Variants in DLGAP2 observed in about 807,000 individuals in gnomAD.
DLGAP2 encodes the protein disks large-associated protein 2.
Under a neutral mutation model 100.3 loss-of-function variants are expected in DLGAP2, and 26 were observed. The observed-to-expected ratio is 0.26, with a 90% CI of 0.19 to 0.36. DLGAP2 has a LOEUF of 0.36. Among genes scored for constraint, DLGAP2 ranks in the 10% least tolerant of loss-of-function variants. DLGAP2 has a pLI of 1.00. For missense variants in DLGAP2, 1,858 were observed against 1,453.2 expected, an observed-to-expected ratio of 1.28 and a Z score of -4.53; for synonymous variants, 886 against 630.1, an observed-to-expected ratio of 1.41 and a Z score of -6.08.
intron 2 of DLGAP2, among the ~76,000 whole-genome samples, chr8:1,211,346 C>T (rs543480504): frequency 1.3e-5 from 2 of 152,192 alleles, no homozygotes; most frequent in Non-Finnish European, 2.9e-5. Context: ...ATGAACACCA[C>T]CAGCCAACGA....
intron 6 of DLGAP2, among the ~76,000 whole-genome samples, chr8:1,577,665 G>T (rs1192982498): frequency 6.6e-6 from 1 of 151,968 alleles, no homozygotes; most frequent in Non-Finnish European, 1.5e-5. Context: ...AGGCATCCCT[G>T]CTGGAGGCTG....
At chr8:1,619,870 T>C (rs2130753522) in intron 6 of DLGAP2, 1 of 152,344 alleles carries the variant, frequency 6.6e-6, no homozygotes, top group East Asian at 1.9e-4. Flanking sequence ...CAAACTGCCT[T>C]CTGCGCACCA....
rs181472334 is a variant in DLGAP2, at chr8:1,085,640, T to C, written c.74-173211T>C. ...CCATTCGTTGATGTGCATATTTTTATGCCTGTGTGATGCTTTTGTAATTAC... is the reference window on the plus strand; with the variant it reads ...CCATTCGTTGATGTGCATATTTTTACGCCTGTGTGATGCTTTTGTAATTAC... On this transcript the variant is annotated intron_variant, in intron 2 of 14. Coordinates refer to ENST00000637795, the MANE Select transcript of DLGAP2 (RefSeq NM_001346810.2). Among the ~76,000 whole-genome samples the C allele has an allele frequency of 2.2e-3, 334 of 152,374 alleles. 1 individual carries two copies. The highest frequency in any genetic ancestry group is 6.8e-3 in the Middle Eastern group (2 of 294).
chr8:1,031,942 T>C (rs1801985998), intron 2 of DLGAP2, among the ~76,000 whole-genome samples: 2 of 152,252 alleles, frequency 1.3e-5, no homozygotes, highest in African/African-American at 2.4e-5. Flanking sequence ...CAAGCGAGTC[T>C]GTCTGGGGAT....
intron 2 of DLGAP2, among the ~76,000 whole-genome samples, chr8:1,251,943 C>T (rs1396470509): frequency 6.6e-6 from 1 of 152,252 alleles, no homozygotes; most frequent in Non-Finnish European, 1.5e-5. Flanking sequence ...TCATGTTGTC[C>T]TGGGTCATGG....
In DLGAP2 at chr8:960,735, C is replaced by T. The variant is rs147752710; in HGVS notation, c.73+52769C>T. ...CTCGACTTATGATGGAGTTATAGCC[C>T]GATAAACCTATTGTAAGTTGAAAGT... On this transcript the variant is annotated intron_variant, in intron 2 of 14. Transcript: ENST00000637795. 1.3e-3 allele frequency among the ~76,000 whole-genome samples: 204 copies of T among 152,202 alleles called. 1 individual carries two copies. Among genetic ancestry groups the T allele is most frequent in the African/African-American group, 4.6e-3 (192 of 41,538 alleles).
At chr8:1,029,131 C>T (rs1041514295) in intron 2 of DLGAP2, among the ~76,000 whole-genome samples, 5 of 152,256 alleles carry the variant, frequency 3.3e-5, no homozygotes, top group Middle Eastern at 3.4e-3. Context: ...ATAGCGTGGC[C>T]GGCCAGGTCC....
At chr8:1,679,873 G>T (rs773841173) in intron 12 of DLGAP2, among the ~76,000 whole-genome samples, 3 of 151,386 alleles carry the variant, frequency 2.0e-5, no homozygotes, top group African/African-American at 4.9e-5. Context: ...CTAGCTATTT[G>T]GGAGGCTGAG....
At chr8:1,647,333 C>G (rs1798062546) in intron 8 of DLGAP2, among the ~76,000 whole-genome samples, 1 of 151,490 alleles carries the variant, frequency 6.6e-6, no homozygotes, top group Non-Finnish European at 1.5e-5. Flanking sequence ...AAACAAAACA[C>G]AAAAAATTAG....
intron 1 of DLGAP2, among the ~76,000 whole-genome samples, chr8:749,827 C>T (rs1382489038): frequency 6.6e-6 from 1 of 152,184 alleles, no homozygotes; most frequent in Non-Finnish European, 1.5e-5. Context: ...CCAAGGTATC[C>T]TGGGGCCTGC....
intron 1 of DLGAP2, among the ~76,000 whole-genome samples, chr8:897,668 C>T (rs751692968): frequency 2.0e-5 from 3 of 152,142 alleles, no homozygotes; most frequent in African/African-American, 4.8e-5. Flanking sequence ...TTCCCTGCCC[C>T]GGCAGCCGCT....
chr8:1,046,354 A>C (rs1802515290), intron 2 of DLGAP2, among the ~76,000 whole-genome samples: 1 of 152,014 alleles, frequency 6.6e-6, no homozygotes, highest in Non-Finnish European at 1.5e-5. Context: ...TCTAGTTTGG[A>C]GGTTGTTTTT....
rs1272444359 is a variant in DLGAP2 at position 1,581,931 on chromosome 8, A to G, written c.1442+16037A>G. Among the ~76,000 whole-genome samples, 9 of 150,940 alleles carry G rather than the reference A, an allele frequency of 6.0e-5. 1 individual carries two copies. In the South Asian group the frequency reaches 8.5e-4, roughly 14 times the overall value. On this transcript the variant is annotated intron_variant, in intron 6 of 14. Transcript: ENST00000637795. ...ACAAAACACCACACATCTACACACC[A>G]CAGTCAAACTACCAGAAGTGAAGGA...
Position 1,420,438 on chromosome 8 carries a change from C to T in DLGAP2, c.107-80928C>T, listed in dbSNP as rs185596554. The stretch of plus-strand genomic sequence containing the variant: ...CTCTCTTCCACTCTACGCTGGTGTC[C>T]CAGGTCATCTCAGCACTTTGAGTTT... On this transcript the variant is annotated intron_variant, in intron 3 of 14. Coordinates refer to ENST00000637795, the MANE Select transcript of DLGAP2 (RefSeq NM_001346810.2). 3.0e-3 allele frequency among the ~76,000 whole-genome samples: 455 copies of T among 152,284 alleles called. 2 individuals are homozygous for T. The highest frequency in any genetic ancestry group is 0.01 in the Middle Eastern group (3 of 294).
At chr8:988,759 C>T (rs138075186) in intron 2 of DLGAP2, among the ~76,000 whole-genome samples, 2 of 152,298 alleles carry the variant, frequency 1.3e-5, no homozygotes, top group African/African-American at 4.8e-5. Context: ...CTCCCTAGAC[C>T]CAGGGCCTGT....
intron 2 of DLGAP2, among the ~76,000 whole-genome samples, chr8:1,202,262 G>C (rs942209746): frequency 3.5e-4 from 51 of 147,562 alleles, no homozygotes; most frequent in South Asian, 2.1e-4. Flanking sequence ...GTGTGTGTGT[G>C]TGTGTGTGTG....
intron 3 of DLGAP2, among the ~76,000 whole-genome samples, chr8:1,495,567 G>C (rs982519436): frequency 9.1e-4 from 138 of 152,354 alleles, no homozygotes; most frequent in Non-Finnish European, 1.2e-3. Flanking sequence ...TGAGACCACA[G>C]TGTGCTCGGG....
At chr8:974,116 G>A (rs1800102071) in intron 2 of DLGAP2, among the ~76,000 whole-genome samples, 1 of 152,188 alleles carries the variant, frequency 6.6e-6, no homozygotes, top group Admixed American at 6.5e-5. Flanking sequence ...AGTAAAAGTT[G>A]ATGAGAATTT....
At chr8:902,530 C>A (rs570632228) in intron 1 of DLGAP2, among the ~76,000 whole-genome samples, 1 of 139,420 alleles carries the variant, frequency 7.2e-6, no homozygotes, top group East Asian at 2.2e-4. Flanking sequence ...GAGATACAGC[C>A]CCGGCGGCCT....
Sources: allele counts gnomAD v4.1 joint callset (sites outside exome capture counted in the v4.1 genomes callset), GRCh38; gene constraint gnomAD v4.1.1; transcripts MANE v1.5; gene names NCBI Gene and HGNC (gene_info 2026-07-23, HGNC 2026-07-21).